The following DNAH14 variants were observed in gnomAD, a reference collection of about 807,000 sequenced individuals.
DNAH14 encodes the protein axonemal beta dynein heavy chain 14.
Under a neutral mutation model 520.9 loss-of-function variants are expected in DNAH14, and 478 were observed. The observed-to-expected ratio is 0.92, with a 90% confidence interval of 0.85 to 0.99. The LOEUF is 0.99. Among genes scored for constraint, DNAH14 ranks in the 50% least tolerant of loss-of-function variants. The pLI, the probability that DNAH14 is intolerant of heterozygous loss-of-function variation, is 0.00. For missense variants in DNAH14, 4,831 were observed against 5,234.5 expected (o/e 0.92, Z 2.38); for synonymous variants, 1,581 against 1,757.2 (o/e 0.90, Z 2.51).
intron 41 of DNAH14, among the ~76,000 whole-genome samples, chr1:225,210,692 G>A (rs1024634651): frequency 4.6e-5 from 7 of 152,150 alleles, no homozygotes; most frequent in South Asian, 2.1e-4. Context: ...CCTGACCCCC[G>A]AGCCTCCTGA....
chr1:225,295,236 T>C (rs1273111435), intron 55 of DNAH14, among the ~76,000 whole-genome samples: 1 of 152,170 alleles, frequency 6.6e-6, no homozygotes, highest in Non-Finnish European at 1.5e-5. Flanking sequence ...TATTGTTTTT[T>C]ATTATCAATT....
In DNAH14 at chr1:225,270,254, T is replaced by C. The variant is rs558792222; in HGVS notation, c.7540-481T>C. 7.7e-4 allele frequency among the ~76,000 whole-genome samples: 107 copies of C among 139,502 alleles called. 1 individual carries two copies. Among genetic ancestry groups the C allele is most frequent in the African/African-American group, 2.8e-3 (104 of 36,662 alleles). 91.5% of individuals were successfully genotyped at this position (139,502 alleles called of 152,430 possible). On this transcript the variant is annotated intron_variant, in intron 49 of 85. Transcript: ENST00000682510. ...ACCAAACACCGCATGTTCTCACTCA[T>C]AGGTGGGAACTGAACAATGAGAACA... is the stretch of plus-strand genomic sequence containing the variant.
At chr1:225,089,636 C>A (rs1437046942) in intron 21 of DNAH14, among the ~76,000 whole-genome samples, 1 of 151,836 alleles carries the variant, frequency 6.6e-6, no homozygotes, top group Non-Finnish European at 1.5e-5. Context: ...TGTATTATTA[C>A]CAAGAGAGAT....
chr1:225,356,654 C>A (rs3913656), intron 73 of DNAH14, among the ~76,000 whole-genome samples: 14,129 of 152,054 alleles, frequency 0.093, 1,094 homozygotes, highest in African/African-American at 0.21. Flanking sequence ...GGAGATATGC[C>A]TGTATATGTG....
intron 48 of DNAH14, among the ~76,000 whole-genome samples, chr1:225,265,938 ATT>A (rs1362921472): frequency 6.6e-6 from 1 of 150,404 alleles, no homozygotes; most frequent in Non-Finnish European, 1.5e-5. Context: ...ATATATATAT[ATT>A]GACAGTTACA....
At chr1:224,997,434 TTTTG>T (rs200064622) in intron 8 of DNAH14, among the ~76,000 whole-genome samples, 6,840 of 150,458 alleles carry the variant, frequency 0.045, 202 homozygotes, top group Non-Finnish European at 0.062. Flanking sequence ...GCAGGTTTTT[TTTTG>T]TTTGTTTGTT....
intron 23 of DNAH14, among the ~76,000 whole-genome samples, chr1:225,105,692 G>C (rs1370619260): frequency 6.6e-6 from 1 of 152,050 alleles, no homozygotes; most frequent in Admixed American, 6.6e-5. Context: ...TGTTTTATCA[G>C]AGACTAAGAT....
intron 17 of DNAH14, among the ~76,000 whole-genome samples, chr1:225,067,113 A>T (rs936324124): frequency 6.6e-6 from 1 of 151,890 alleles, no homozygotes; most frequent in Non-Finnish European, 1.5e-5. Flanking sequence ...TCTCTCCCTC[A>T]TCCCACTCTC....
At chr1:225,180,319 A>C (rs1029345507) in intron 36 of DNAH14, among the ~76,000 whole-genome samples, 2 of 152,040 alleles carry the variant, frequency 1.3e-5, no homozygotes, top group Non-Finnish European at 2.9e-5. Context: ...CTGTTATTCT[A>C]CTTTCACTGT....
At chr1:225,124,370 A>T (rs1018522146) in intron 27 of DNAH14, among the ~76,000 whole-genome samples, 4 of 152,206 alleles carry the variant, frequency 2.6e-5, no homozygotes, top group African/African-American at 9.7e-5. Flanking sequence ...CCCACAATGG[A>T]AATTCTTTCA....
rs939809804 is a variant in DNAH14 at position 225,079,377 on chromosome 1, T to C, written c.2595T>C (p.Ile865=). The part of the protein sequence containing the change: ...YSVAKHHQIH[I]SEEQIAIFQV... ...TTGCAAAGCATCACCAGATCCATATTTCAGAAGAGCAAATTGCCATATTCC... is the reference window on the plus strand; with the variant it reads ...TTGCAAAGCATCACCAGATCCATATCTCAGAAGAGCAAATTGCCATATTCC... The change falls in exon 18 of 86, where the codon ATT becomes ATC. Residue 865 remains isoleucine (I), a synonymous_variant. Coordinates refer to ENST00000682510, the MANE Select transcript of DNAH14 (RefSeq NM_001367479.1). 5 of 1,550,730 alleles carry C rather than the reference T, an allele frequency of 3.2e-6. No homozygotes were observed. Among genetic ancestry groups the C allele is most frequent in the Non-Finnish European group, 4.4e-6 (5 of 1,146,772 alleles).
At chr1:225,166,334 C>T (rs2082045462) in intron 35 of DNAH14, among the ~76,000 whole-genome samples, 1 of 152,066 alleles carries the variant, frequency 6.6e-6, no homozygotes, top group South Asian at 2.1e-4. Context: ...ATTCAGCTAC[C>T]CCATTTGTAT....
intron 79 of DNAH14, among the ~76,000 whole-genome samples, chr1:225,379,897 A>G (rs2095757927): frequency 6.6e-6 from 1 of 152,316 alleles, no homozygotes; most frequent in South Asian, 2.1e-4. Context: ...CAATACATAC[A>G]ATGTATAGTG....
In DNAH14 at chr1:224,963,181, T is replaced by C. The variant is rs547413577; in HGVS notation, c.368-1298T>C. Among the ~76,000 whole-genome samples the C allele has an allele frequency of 4.6e-5, 7 of 152,262 alleles. No individual in the cohort carries two copies. The East Asian group carries it at 1.2e-3, about 25-fold the overall frequency. ...TTGAAATATTTGGTATAGTAATATCTAGCCTGTTATGTAGGTTATAAACAT... is the reference window on the plus strand; with the variant it reads ...TTGAAATATTTGGTATAGTAATATCCAGCCTGTTATGTAGGTTATAAACAT... On this transcript the variant is annotated intron_variant, in intron 4 of 85. Coordinates refer to ENST00000682510, the MANE Select transcript of DNAH14 (RefSeq NM_001367479.1).
At chr1:225,315,043 G>T (rs1482019612) in intron 60 of DNAH14, among the ~76,000 whole-genome samples, 1 of 152,024 alleles carries the variant, frequency 6.6e-6, no homozygotes, top group Non-Finnish European at 1.5e-5. Flanking sequence ...TTCCAACTTG[G>T]TTCCATTCTC....
chr1:225,399,213 C>T lies in DNAH14; in HGVS notation c.13798C>T (p.Pro4600Ser). 1 of 1,551,648 alleles carries T rather than the reference C, an allele frequency of 6.4e-7. No individual in the cohort carries two copies. The highest frequency in any genetic ancestry group is 8.7e-7 in the Non-Finnish European group (1 of 1,146,974). ...TSVYLSTKKP[P>S]SHWITMRVAL... is the part of the protein sequence containing the mutation. ...AGTGTATTTATCAACGAAGAAACCT[C>T]CTAGTCACTGGATCACAATGCGGGT... The change falls in exon 86 of 86, where the codon CCT becomes TCT. Residue 4600 changes from proline (P) to serine (S), a missense_variant. Coordinates refer to ENST00000682510, the MANE Select transcript of DNAH14 (RefSeq NM_001367479.1).
intron 60 of DNAH14, among the ~76,000 whole-genome samples, chr1:225,313,133 T>C (rs1330022535): frequency 6.6e-6 from 1 of 152,180 alleles, no homozygotes; most frequent in Non-Finnish European, 1.5e-5. Context: ...CTTGTTATTG[T>C]TCTATTCAGG....
At chr1:225,308,034 T>C (rs2094285291) in intron 59 of DNAH14, among the ~76,000 whole-genome samples, 1 of 152,206 alleles carries the variant, frequency 6.6e-6, no homozygotes, top group Admixed American at 6.5e-5. Context: ...GGCGGAGAGC[T>C]ACCATCAAGG....
intron 73 of DNAH14, chr1:225,354,243 G>A (rs2095406010): frequency 1.4e-6 from 1 of 701,928 alleles, no homozygotes; most frequent in African/African-American, 1.7e-5. Context: ...GTAGGGAGAG[G>A]CCAATGGCTG....
Sources: allele counts gnomAD v4.1 joint callset (sites outside exome capture counted in the v4.1 genomes callset), GRCh38; gene constraint gnomAD v4.1.1; transcripts MANE v1.5; gene names NCBI Gene and HGNC (gene_info 2026-07-23, HGNC 2026-07-21).